The following STK3 variants were observed in gnomAD, a reference collection of about 807,000 sequenced individuals.
STK3 encodes serine/threonine kinase 3, also known as serine/threonine-protein kinase 3.
A neutral mutation model predicts 58.0 loss-of-function variants in STK3; 41 were observed. That is an observed-to-expected ratio of 0.71 (90% CI 0.55 to 0.92). The LOEUF (loss-of-function observed/expected upper bound fraction) is 0.92, where lower values mean the gene tolerates loss of function less well. Among genes scored for constraint, STK3 ranks in the 40% least tolerant of loss-of-function variants. The pLI is 0.00. For synonymous variants in STK3, 170 were observed against 191.0 expected, an observed-to-expected ratio of 0.89 and a Z score of 0.91; for missense variants, 479 against 602.7, an observed-to-expected ratio of 0.79 and a Z score of 2.15.
chr8:98,792,676 G>C (rs1016043554), intron 1 of STK3, among the ~76,000 whole-genome samples: 1 of 152,068 alleles, frequency 6.6e-6, no homozygotes, highest in Non-Finnish European at 1.5e-5. Context: ...ACTCCAGCCT[G>C]GGCAACAACA....
upstream of STK3, among the ~76,000 whole-genome samples, chr8:98,827,768 C>T (rs182189967): frequency 2.6e-5 from 4 of 152,198 alleles, no homozygotes; most frequent in East Asian, 5.8e-4. Flanking sequence ...AATCTTCCCA[C>T]CTCTGCCTCC....
intron 6 of STK3, among the ~76,000 whole-genome samples, chr8:98,649,962 T>A (rs1820748595): frequency 6.6e-6 from 1 of 152,214 alleles, no homozygotes; most frequent in South Asian, 2.1e-4. Context: ...TTAACTTTAT[T>A]CCTAAGGATT....
intron 6 of STK3, among the ~76,000 whole-genome samples, chr8:98,677,829 T>G (rs931950829): frequency 3.9e-5 from 6 of 152,176 alleles, no homozygotes; most frequent in African/African-American, 1.4e-4. Flanking sequence ...TTTGAAAATG[T>G]TTTTTACATT....
intron 3 of STK3, among the ~76,000 whole-genome samples, chr8:98,832,254 AAAT>A (rs1372032843): frequency 7.5e-4 from 99 of 132,442 alleles, no homozygotes; most frequent in Middle Eastern, 3.8e-3. Context: ...GAAAAAAAAA[AAAT>A]ATATATATAT....
At chr8:98,658,522 C>T (rs188359804) in intron 6 of STK3, among the ~76,000 whole-genome samples, 1 of 152,106 alleles carries the variant, frequency 6.6e-6, no homozygotes, top group East Asian at 1.9e-4. Context: ...CCTTTCAGCC[C>T]TCATTCTCTT....
chr8:98,874,762 GAC>G (rs905695071), intron 3 of STK3, among the ~76,000 whole-genome samples: 3 of 151,620 alleles, frequency 2.0e-5, no homozygotes, highest in African/African-American at 7.3e-5. Context: ...CAGTAGCTGG[GAC>G]TACAGGTGCA....
In STK3 at chr8:98,848,577, C is replaced by T. The variant is rs546757139; in HGVS notation, c.110+35070G>A. 9.9e-5 allele frequency among the ~76,000 whole-genome samples: 15 copies of T among 152,254 alleles called. No homozygotes were observed. The South Asian group carries it at 3.1e-3, about 32-fold the overall frequency. On this transcript the variant is annotated intron_variant, in intron 3 of 12. Transcript: ENST00000523601. The stretch of plus-strand genomic sequence containing the variant: ...TCTCTACAGATTTACCTATTCTGGA[C>T]ATTTCATATGAATGGAATCATATAA...
intron 10 of STK3, among the ~76,000 whole-genome samples, chr8:98,502,483 A>C (rs374252459): frequency 7.9e-5 from 12 of 152,218 alleles, no homozygotes; most frequent in African/African-American, 2.9e-4. Flanking sequence ...TGTCTTGTGC[A>C]AGTTTTCAAA....
chr8:98,834,169 T>C (rs888270517), intron 3 of STK3, among the ~76,000 whole-genome samples: 5 of 152,240 alleles, frequency 3.3e-5, no homozygotes, highest in Non-Finnish European at 7.3e-5. Context: ...CCACACTTTA[T>C]AGTTGAACAA....
chr8:98,487,912 T>C (rs1479045408), intron 10 of STK3, among the ~76,000 whole-genome samples: 2 of 152,240 alleles, frequency 1.3e-5, no homozygotes, highest in Non-Finnish European at 2.9e-5. Flanking sequence ...ATCTGTGTGT[T>C]TATTTAGACA....
intron 1 of STK3, among the ~76,000 whole-genome samples, chr8:98,797,219 T>G (rs1049916718): frequency 6.6e-6 from 1 of 152,262 alleles, no homozygotes; most frequent in Non-Finnish European, 1.5e-5. Flanking sequence ...CAGCATTTGC[T>G]GCTAGTGGGT....
At position 98,720,187 on chromosome 8, in the gene STK3, C is replaced by T. The variant is rs761429263; in HGVS notation, c.352-12876G>A. On this transcript the variant is annotated intron_variant, in intron 4 of 10. Coordinates refer to ENST00000419617, the MANE Select transcript of STK3 (RefSeq NM_006281.4). ...ACAGGTGGAGAAATATTTTCTAGAACGTAAAGGCATACTGTTGTCTTAAAT... is the reference window on the plus strand; with the variant it reads ...ACAGGTGGAGAAATATTTTCTAGAATGTAAAGGCATACTGTTGTCTTAAAT... 3.7e-4 allele frequency among the ~76,000 whole-genome samples: 56 copies of T among 152,206 alleles called. 1 individual carries two copies. Among genetic ancestry groups the T allele is most frequent in the African/African-American group, 9.9e-4 (41 of 41,534 alleles).
At chr8:98,691,507 G>C (rs1824399532) in intron 6 of STK3, among the ~76,000 whole-genome samples, 2 of 152,120 alleles carry the variant, frequency 1.3e-5, no homozygotes, top group Admixed American at 1.3e-4. Flanking sequence ...GGTGGAGAAA[G>C]TGATATGGGG....
At chr8:98,891,588 A>T (rs1838200605) in intron 1 of STK3, among the ~76,000 whole-genome samples, 1 of 151,652 alleles carries the variant, frequency 6.6e-6, no homozygotes, top group Non-Finnish European at 1.5e-5. Context: ...AGTTGTGCAG[A>T]CTTTATCTTT....
chr8:98,475,836 C>A (rs181912822), intron 10 of STK3, among the ~76,000 whole-genome samples: 2 of 152,306 alleles, frequency 1.3e-5, no homozygotes, highest in African/African-American at 4.8e-5. Flanking sequence ...TATGCTAGTT[C>A]CTCCTCTAGA....
the STK3 span, among the ~76,000 whole-genome samples, chr8:98,346,563 T>C: frequency 3.3e-5 from 5 of 151,646 alleles, no homozygotes; most frequent in Non-Finnish European, 7.4e-5. Context: ...TCAAAAACCA[T>C]TGATAAAGAG....
chr8:98,772,852 G>T (rs551633079), intron 2 of STK3, among the ~76,000 whole-genome samples: 12 of 152,128 alleles, frequency 7.9e-5, no homozygotes, highest in African/African-American at 2.4e-4. Flanking sequence ...TGCCGGCACC[G>T]TGCTTTTTGC....
rs1201391889 is a variant in STK3, at chr8:98,743,982, GCT to G, written c.351+5292_351+5293del. ...GCAGCCAAAAAACACATGAGAAAAT[GCT>G]CACCATCACTGGCCATCAGAGAAAT... On this transcript the variant is annotated intron_variant, in intron 4 of 10. Coordinates refer to ENST00000419617, the MANE Select transcript of STK3 (RefSeq NM_006281.4). Among the ~76,000 whole-genome samples the G allele has an allele frequency of 2.0e-5, 3 of 152,180 alleles. No homozygotes were observed. In the East Asian group the frequency reaches 5.8e-4, roughly 29 times the overall value.
intron 9 of STK3, among the ~76,000 whole-genome samples, chr8:98,536,453 C>G (rs1029095110): frequency 6.6e-6 from 1 of 151,780 alleles, no homozygotes; most frequent in Non-Finnish European, 1.5e-5. Flanking sequence ...AGAGTGAGAC[C>G]CTTCTCTTAA....
Sources: gnomAD v4.1 joint callset for allele counts (sites outside exome capture counted in the v4.1 genomes callset) on GRCh38, gnomAD v4.1.1 for gene constraint, MANE v1.5 for transcripts, NCBI Gene and HGNC (gene_info 2026-07-23, HGNC 2026-07-21) for gene names.